TRPA1: variants seen among roughly 807,000 people sequenced by gnomAD.
TRPA1 encodes the protein ankyrin-like with transmembrane domains 1.
In TRPA1, 129 loss-of-function variants were observed where a neutral mutation model predicts 131.3. The ratio of observed to expected loss-of-function variants is 0.98; its 90% CI spans 0.85 to 1.14. The LOEUF is 1.14. TRPA1 is among the 50% of genes most tolerant of loss of function. The pLI is 0.00. For missense variants in TRPA1, 1,304 were observed against 1,354.2 expected, an observed-to-expected ratio of 0.96 and a Z score of 0.58; for synonymous variants, 441 against 451.7, an observed-to-expected ratio of 0.98 and a Z score of 0.30.
intron 26 of TRPA1, 30 bp downstream of exon 26, chr8:72,023,784 T>C (rs1410560816): frequency 1.6e-6 from 2 of 1,269,394 alleles, no homozygotes; most frequent in South Asian, 2.4e-5. Flanking sequence ...TTTAAATTTC[T>C]CAAGTACAGA....
intron 3 of TRPA1, among the ~76,000 whole-genome samples, chr8:72,066,233 T>G (rs1805929148): frequency 6.6e-6 from 1 of 152,232 alleles, no homozygotes. Flanking sequence ...ATCTGTTACC[T>G]CCTCACCTGG....
rs751673891 is a variant in TRPA1, at chr8:72,061,621, T to A, written c.944+4A>T. On this transcript the variant is annotated splice_donor_region_variant and intron_variant, in intron 7 of 26. Transcript: ENST00000262209. ...GTATACAGAATGATAGGTAGGAAAC[T>A]TGCCTGTGAAGCATGGTCTCATGAC... is the stretch of plus-strand genomic sequence containing the variant. The A allele has an allele frequency of 1.2e-6, 2 of 1,613,936 alleles. No individual in the cohort carries two copies. The highest frequency in any genetic ancestry group is 1.7e-6 in the Non-Finnish European group (2 of 1,179,880).
intron 26 of TRPA1, 116 bp downstream of exon 26, chr8:72,023,698 A>T: frequency 1.4e-6 from 1 of 691,366 alleles, no homozygotes. Context: ...ACAGCTATCA[A>T]TAAAGCAAGA....
intron 21 of TRPA1, among the ~76,000 whole-genome samples, chr8:72,036,005 CAAA>C (rs58197251): frequency 4.9e-4 from 22 of 44,968 alleles, no homozygotes; most frequent in Admixed American, 1.7e-3. Flanking sequence ...TCCCCCTCCA[CAAA>C]AAAAAAAAAA....
Position 72,050,923 on chromosome 8 carries a change from G to T in TRPA1, c.1812-52C>A, listed in dbSNP as rs1412008924. 2.4e-6 allele frequency: 3 copies of T among 1,258,514 alleles called. No individual in the cohort carries two copies. The African/African-American group carries it at 4.4e-5, about 19-fold the overall frequency. The allele number at this position is 1,258,514 out of a possible 1,614,324, so 78.0% of individuals were successfully genotyped here. A position where few individuals can be genotyped will look rare whatever the true frequency, so the allele number is the denominator to read the frequency against. On this transcript the variant is annotated intron_variant, in intron 14 of 26. Transcript: ENST00000262209. Reference sequence around the variant, plus strand: ...GCACAGGTCTTCATCCTTCTGTTCTGTACAACAGCTGAAACTCAAGATTAT... The same window carrying T: ...GCACAGGTCTTCATCCTTCTGTTCTTTACAACAGCTGAAACTCAAGATTAT...
chr8:72,060,024 C>A lies in TRPA1; in HGVS notation c.945-586G>T, dbSNP rs753338697. Among the ~76,000 whole-genome samples the A allele has an allele frequency of 2.0e-5, 3 of 152,054 alleles. No individual in the cohort carries two copies. In the East Asian group the frequency reaches 5.8e-4, roughly 29 times the overall value. The stretch of plus-strand genomic sequence containing the variant: ...TGACTTAAAGCTTTGTGTTTCCTAT[C>A]GCAAATCTCATTTCTTTGTTTCAAG... On this transcript the variant is annotated intron_variant, in intron 7 of 26. Coordinates refer to ENST00000262209, the MANE Select transcript of TRPA1 (RefSeq NM_007332.3).
In TRPA1 at chr8:72,062,892, C is replaced by T. The variant is rs752662246; in HGVS notation, c.714G>A (p.Gly238=). 5.2e-5 allele frequency: 84 copies of T among 1,613,788 alleles called. No individual in the cohort carries two copies. The highest frequency in any genetic ancestry group is 6.7e-5 in the Non-Finnish European group (79 of 1,179,946). Residue 238 remains glycine, a synonymous_variant, in exon 6 of 27, where the codon GGG becomes GGA. Transcript: ENST00000262209. ...CAGCCAGGTGGAGAGGGGTGGCTTTCCCATTATTCATAAAGTTAATGTGCA... is the reference window on the plus strand; with the variant it reads ...CAGCCAGGTGGAGAGGGGTGGCTTTTCCATTATTCATAAAGTTAATGTGCA... The part of the protein sequence containing the change: ...RQLHINFMNN[G]KATPLHLAVQ...
chr8:72,052,842 A>T (rs1805546945), intron 13 of TRPA1, 77 bp from the exon 14 acceptor site: 1 of 1,551,734 alleles, frequency 6.4e-7, no homozygotes, highest in East Asian at 2.3e-5. Flanking sequence ...ACTGCTTAAA[A>T]GACATTAGCG....
chr8:72,024,509 T>A (rs10108458), intron 25 of TRPA1, among the ~76,000 whole-genome samples: 73,450 of 151,642 alleles, frequency 0.48, 18,204 homozygotes, highest in East Asian at 0.77. Flanking sequence ...GAGGGGAGAA[T>A]GAAAGGGAGG....
intron 3 of TRPA1, among the ~76,000 whole-genome samples, chr8:72,068,187 A>C (rs761513020): frequency 2.0e-5 from 3 of 152,162 alleles, no homozygotes; most frequent in Non-Finnish European, 4.4e-5. Context: ...GGAGCCTGAA[A>C]CTCATGGAAC....
intron 21 of TRPA1, among the ~76,000 whole-genome samples, chr8:72,034,763 T>A (rs1585845625): frequency 6.6e-6 from 1 of 152,094 alleles, no homozygotes; most frequent in Non-Finnish European, 1.5e-5. Context: ...AGGCTGATCG[T>A]GAACTGCTGG....
chr8:72,028,731 A>G (rs1285159460), intron 24 of TRPA1, among the ~76,000 whole-genome samples: 2 of 152,234 alleles, frequency 1.3e-5, no homozygotes, highest in Non-Finnish European at 2.9e-5. Flanking sequence ...CAGGGATCAC[A>G]TCCCTCTGTT....
rs745873779 is a variant in TRPA1, at chr8:72,050,822, AT to A, written c.1860del (p.Lys620AsnfsTer7). On this transcript the variant is annotated frameshift_variant, in exon 15 of 27. Coordinates refer to ENST00000262209, the MANE Select transcript of TRPA1 (RefSeq NM_007332.3). LOFTEE classifies it high-confidence loss of function. ...TATTCTATCATTTCTGTAATTGGAC[AT>A]TTATTGCCTGGAGAATTATGACTGA... ...KIFSHNSPGN[K>X]CPITEMIEYL... 1.7e-4 allele frequency: 278 copies of A among 1,612,148 alleles called. No homozygotes were observed. Among genetic ancestry groups the A allele is most frequent in the Non-Finnish European group, 2.3e-4 (275 of 1,179,172 alleles).
chr8:72,040,965 C>T (rs936311205), intron 17 of TRPA1, among the ~76,000 whole-genome samples: 1 of 152,038 alleles, frequency 6.6e-6, no homozygotes, highest in Admixed American at 6.6e-5. Flanking sequence ...ACTACATGCT[C>T]TTTACAAGAG....
chr8:72,041,922 G>C (rs961809412), intron 17 of TRPA1, among the ~76,000 whole-genome samples: 2 of 151,656 alleles, frequency 1.3e-5, no homozygotes, highest in Admixed American at 1.3e-4. Context: ...ATGAAACCAA[G>C]AATTGGTTTT....
In TRPA1 at chr8:72,052,994, TGA is replaced by T. The variant is rs1491529324; in HGVS notation, c.1645-231_1645-230del. 459 of 331,356 alleles carry T rather than the reference TGA, an allele frequency of 1.4e-3. 2 individuals carry two copies. The highest frequency in any genetic ancestry group is 1.8e-3 in the Middle Eastern group (2 of 1,126). 20.5% of individuals were successfully genotyped at this position (331,356 alleles called of 1,614,324 possible). ...GTGTGTGTGTGTGTGTGTGTGTGTG[TGA>T]GAGATAGAGAAAGAGAGAGAGAGAG... On this transcript the variant is annotated intron_variant, in intron 13 of 26. Transcript: ENST00000262209.
At chr8:72,042,116 G>A (rs1322391963) in intron 17 of TRPA1, among the ~76,000 whole-genome samples, 1 of 151,786 alleles carries the variant, frequency 6.6e-6, no homozygotes, top group African/African-American at 2.4e-5. Flanking sequence ...GGCAACCTAT[G>A]GAATGAGAAT....
chr8:72,072,955 CGTT>C (rs1468723658), intron 1 of TRPA1, among the ~76,000 whole-genome samples: 4 of 152,080 alleles, frequency 2.6e-5, no homozygotes, highest in Admixed American at 6.5e-5. Context: ...CAGTACCTGA[CGTT>C]GTCAGGCTTT....
intron 5 of TRPA1, 48 bp downstream of exon 5, chr8:72,063,415 C>T: frequency 7.3e-7 from 1 of 1,362,506 alleles, no homozygotes; most frequent in Non-Finnish European, 1.0e-6. Context: ...TAGCATCCAC[C>T]AAAATAGACT....
Sources: allele counts gnomAD v4.1 joint callset (sites outside exome capture counted in the v4.1 genomes callset), GRCh38; gene constraint gnomAD v4.1.1; transcripts MANE v1.5; gene names NCBI Gene and HGNC (gene_info 2026-07-23, HGNC 2026-07-21).